The following ARGFX variants were observed in gnomAD, a reference collection of about 807,000 sequenced individuals.
ARGFX encodes arginine-fifty homeobox.
ARGFX carries 10 observed loss-of-function variants against 8.0 expected under a neutral mutation model. That is an observed-to-expected ratio of 1.25 (90% CI 0.77 to 2.12). The LOEUF is 2.12. Ranked by LOEUF, ARGFX falls within the 30% of genes most tolerant of loss-of-function variation. The pLI is 0.00. For missense variants in ARGFX, 282 were observed against 324.3 expected, an observed-to-expected ratio of 0.87 and a Z score of 1.00; for synonymous variants, 116 against 117.8, an observed-to-expected ratio of 0.98 and a Z score of 0.10.
chr3:121,579,733 C>A (rs923403290), intron 3 of ARGFX, among the ~76,000 whole-genome samples: 6 of 151,944 alleles, frequency 3.9e-5, no homozygotes, highest in African/African-American at 1.5e-4. Flanking sequence ...TATGGTGGTG[C>A]ACATTTAGTC....
intron 1 of ARGFX, among the ~76,000 whole-genome samples, chr3:121,568,223 C>T (rs1380748074): frequency 6.6e-6 from 1 of 152,180 alleles, no homozygotes; most frequent in Admixed American, 6.5e-5. Flanking sequence ...TGTGAGACTC[C>T]TTACTTACTG....
chr3:121,586,150 T>A lies in ARGFX; in HGVS notation c.498T>A (p.Tyr166Ter), dbSNP rs773275716. Residue 166 changes from tyrosine to a stop codon, truncating the protein, a stop_gained, in exon 5 of 5, where the codon TAT becomes TAA. Coordinates refer to ENST00000334384, the MANE Select transcript of ARGFX (RefSeq NM_001012659.2). LOFTEE classifies it low-confidence loss of function (END_TRUNC). ...PTSPRTSPSP[Y>*]AFSPVISDFY... ...CCCCCAGAACATCCCCCAGTCCTTA[T>A]GCTTTTTCTCCTGTGATTTCAGATT... The A allele has an allele frequency of 1.4e-5, 22 of 1,613,932 alleles. No homozygotes were observed. The highest frequency in any genetic ancestry group is 1.7e-5 in the Non-Finnish European group (20 of 1,180,000).
At position 121,587,933 on chromosome 3, in the gene ARGFX, C is replaced by T. The variant is rs1184968468; in HGVS notation, c.*1333C>T. 1.3e-5 allele frequency among the ~76,000 whole-genome samples: 2 copies of T among 150,830 alleles called. No individual in the cohort carries two copies. The highest frequency in any genetic ancestry group is 2.9e-5 in the Non-Finnish European group (2 of 67,872). On this transcript the variant is annotated 3_prime_UTR_variant, in exon 5 of 5. Transcript: ENST00000334384. ...TAATTTGAGGGGAAATTACTGTCAC[C>T]ACTAGTTTTAATATAGTACAATGAA... is the stretch of plus-strand genomic sequence containing the variant.
chr3:121,577,089 T>C (rs1216815851), intron 3 of ARGFX, among the ~76,000 whole-genome samples, 189 bp downstream of exon 3: 2 of 150,594 alleles, frequency 1.3e-5, no homozygotes, highest in Middle Eastern at 3.2e-3. Context: ...CTCTCTGAGG[T>C]TGTCATTACA....
chr3:121,584,965 A>T lies in ARGFX; in HGVS notation c.269A>T (p.Tyr90Phe), dbSNP rs750869180. 3 of 1,614,092 alleles carry T rather than the reference A, an allele frequency of 1.9e-6. No homozygotes were observed. In the Middle Eastern group the frequency reaches 5.0e-4, roughly 268 times the overall value. The stretch of plus-strand genomic sequence containing the variant: ...CGTACTTCTTTCACCCACCAACAGT[A>T]TGAGGAGCTAGAAGCTCTGTTTAGC... ...KERTSFTHQQ[Y>F]EELEALFSQT... is the part of the protein sequence containing the mutation. The change falls in exon 4 of 5, where the codon TAT becomes TTT. Residue 90 changes from tyrosine to phenylalanine, a missense_variant. Tyr to Phe is a conservative substitution (Grantham distance 22, BLOSUM62 3). Coordinates refer to ENST00000334384, the MANE Select transcript of ARGFX (RefSeq NM_001012659.2).
At chr3:121,576,715 C>A in intron 2 of ARGFX, 69 bp from the exon 3 acceptor site, 1 of 138,956 alleles carries the variant, frequency 7.2e-6, no homozygotes, top group Non-Finnish European at 1.7e-5. Context: ...CTTTTTCTTT[C>A]TTTCTTTCTT....
intron 3 of ARGFX, among the ~76,000 whole-genome samples, chr3:121,577,565 T>C (rs911015287): frequency 2.0e-5 from 3 of 151,008 alleles, no homozygotes; most frequent in African/African-American, 4.9e-5. Flanking sequence ...GCCAGAAAAG[T>C]ATATTTTACA....
chr3:121,583,945 C>G lies in ARGFX; in HGVS notation c.221-972C>G, dbSNP rs180821382. 3.2e-3 allele frequency among the ~76,000 whole-genome samples: 492 copies of G among 152,226 alleles called. 2 individuals are homozygous for G. The highest frequency in any genetic ancestry group is 0.011 in the African/African-American group (472 of 41,538). On this transcript the variant is annotated intron_variant, in intron 3 of 4. Coordinates refer to ENST00000334384, the MANE Select transcript of ARGFX (RefSeq NM_001012659.2). ...ATCCCAACACTTTGGGAGGCCAAGG[C>G]AGGAGGATCACTTGAGCCCAGGAGT...
At chr3:121,580,073 C>T (rs2048769013) in intron 3 of ARGFX, among the ~76,000 whole-genome samples, 1 of 151,218 alleles carries the variant, frequency 6.6e-6, no homozygotes, top group South Asian at 2.1e-4. Context: ...CCACCTCAGC[C>T]TCCCGAGTAG....
rs2048821739 is a variant in ARGFX at position 121,587,960 on chromosome 3, A to T, written c.*1360A>T. On this transcript the variant is annotated 3_prime_UTR_variant, in exon 5 of 5. Transcript: ENST00000334384. Reference sequence around the variant, plus strand: ...CTAGTTTTAATATAGTACAATGAAAAAATAATATATATATATATAGTACAA... The same window carrying T: ...CTAGTTTTAATATAGTACAATGAAATAATAATATATATATATATAGTACAA... Among the ~76,000 whole-genome samples, 1 of 120,688 alleles carries T rather than the reference A, an allele frequency of 8.3e-6. No homozygotes were observed. The highest frequency in any genetic ancestry group is 3.2e-5 in the African/African-American group (1 of 31,002). The allele number at this position is 120,688 out of a possible 152,430, so 79.2% of individuals were successfully genotyped here.
chr3:121,583,782 C>T (rs571460245), intron 3 of ARGFX, among the ~76,000 whole-genome samples: 1 of 152,188 alleles, frequency 6.6e-6, no homozygotes, highest in African/African-American at 2.4e-5. Context: ...TTACCTTGGC[C>T]TCCCATAAGT....
rs57666199 is a variant in ARGFX at position 121,580,606 on chromosome 3, A to ATT, written c.220+3721_220+3722dup. On this transcript the variant is annotated intron_variant, in intron 3 of 4. Coordinates refer to ENST00000334384, the MANE Select transcript of ARGFX (RefSeq NM_001012659.2). The stretch of plus-strand genomic sequence containing the variant: ...TGTGTGTGTGTGTGTATATATATAT[A>ATT]TTTTTTTTTTTTTTTTGAGATGAAG... 1.6e-4 allele frequency among the ~76,000 whole-genome samples: 18 copies of ATT among 115,216 alleles called. No individual in the cohort carries two copies. In the South Asian group the frequency reaches 2.3e-3, roughly 15 times the overall value. 75.6% of individuals were successfully genotyped at this position (115,216 alleles called of 152,430 possible).
intron 4 of ARGFX, among the ~76,000 whole-genome samples, chr3:121,585,725 C>T (rs1305710511): frequency 6.6e-6 from 1 of 152,062 alleles, no homozygotes; most frequent in African/African-American, 2.4e-5. Flanking sequence ...TTCACCTCTC[C>T]CTAGATCCTA....
At chr3:121,570,395 T>G (rs937592428) in intron 1 of ARGFX, among the ~76,000 whole-genome samples, 1 of 152,236 alleles carries the variant, frequency 6.6e-6, no homozygotes, top group African/African-American at 2.4e-5. Flanking sequence ...GGTCATTTGA[T>G]CTCTATCTTT....
At chr3:121,568,349 C>T (rs2048685730) in intron 1 of ARGFX, among the ~76,000 whole-genome samples, 1 of 152,010 alleles carries the variant, frequency 6.6e-6, no homozygotes, top group Admixed American at 6.6e-5. Context: ...TTGTGTACTT[C>T]GTTCATTGCA....
In ARGFX at chr3:121,588,762, CAAAAAAA is replaced by C. The variant is rs34783142; in HGVS notation, c.*2171_*2177del. On this transcript the variant is annotated 3_prime_UTR_variant, in exon 5 of 5. Coordinates refer to ENST00000334384, the MANE Select transcript of ARGFX (RefSeq NM_001012659.2). Reference sequence around the variant, plus strand: ...TGAAATCCTGCCTCTACTAAAAATACAAAAAAAAAAAAAAATTAGCTGGGCATGGTGG... The same window carrying C: ...TGAAATCCTGCCTCTACTAAAAATACAAAAAAAATTAGCTGGGCATGGTGG... 3.7e-5 allele frequency among the ~76,000 whole-genome samples: 4 copies of C among 107,552 alleles called. No homozygotes were observed. The highest frequency in any genetic ancestry group is 6.3e-5 in the Non-Finnish European group (3 of 47,762). The allele number at this position is 107,552 out of a possible 152,430, so 70.6% of individuals were successfully genotyped here. A position where few individuals can be genotyped will look rare whatever the true frequency, so the allele number is the denominator to read the frequency against.
At position 121,590,291 on chromosome 3, in the gene ARGFX, C is replaced by G. The variant is rs2048836831; in HGVS notation, c.*3691C>G. Among the ~76,000 whole-genome samples the G allele has an allele frequency of 6.6e-6, 1 of 152,214 alleles. No individual in the cohort carries two copies. Among genetic ancestry groups the G allele is most frequent in the African/African-American group, 2.4e-5 (1 of 41,468 alleles). On this transcript the variant is annotated 3_prime_UTR_variant, in exon 5 of 5. Transcript: ENST00000334384. ...ACAGCTCATGCGTTGGAAACTTAAT[C>G]CCCAAAGCAACAGCTTTGAGAGGTG...
intron 1 of ARGFX, among the ~76,000 whole-genome samples, chr3:121,568,978 A>C (rs2048690510): frequency 6.6e-6 from 1 of 152,346 alleles, no homozygotes; most frequent in Middle Eastern, 3.4e-3. Context: ...TTTCTATAGG[A>C]TATACCTAGA....
intron 1 of ARGFX, 113 bp from the exon 2 acceptor site, chr3:121,570,589 G>T (rs1219744998): frequency 3.7e-6 from 2 of 538,298 alleles, no homozygotes; most frequent in Non-Finnish European, 6.5e-6. Context: ...GGAATTGGGG[G>T]TTAACCTCAC....
Sources: gnomAD v4.1 joint callset for allele counts (sites outside exome capture counted in the v4.1 genomes callset) on GRCh38, gnomAD v4.1.1 for gene constraint, MANE v1.5 for transcripts, NCBI Gene and HGNC (gene_info 2026-07-23, HGNC 2026-07-21) for gene names.